The following FAAH2 variants were observed in gnomAD, a reference collection of about 807,000 sequenced individuals.
The protein encoded by FAAH2 is fatty-acid amide hydrolase 2.
In FAAH2, 60 loss-of-function variants were observed where a neutral mutation model predicts 36.9. The observed-to-expected ratio is 1.63, with a 90% confidence interval of 1.32 to 2.02. The LOEUF (loss-of-function observed/expected upper bound fraction) is 2.02. Among genes scored for constraint, FAAH2 ranks in the 30% most tolerant of loss-of-function variants. The pLI is 0.00. For synonymous variants in FAAH2, 214 were observed against 143.8 expected (o/e 1.49, Z -3.49); for missense variants, 689 against 397.5 (o/e 1.73, Z -6.23).
chrX:57,350,766 G>A (rs1292398337), intron 5 of FAAH2, among the ~76,000 whole-genome samples: 1 of 110,991 alleles, frequency 9.0e-6, no homozygotes, highest in African/African-American at 3.3e-5. Flanking sequence ...ATTATATAAT[G>A]ATAAAGAAAT....
At chrX:57,472,485 T>C (rs2057188764) in intron 10 of FAAH2, among the ~76,000 whole-genome samples, 1 of 111,832 alleles carries the variant, frequency 8.9e-6, no homozygotes, top group Admixed American at 9.5e-5. Context: ...AGATACTGGA[T>C]TTGTACAATG....
At chrX:57,126,545 T>A in the FAAH2 span, among the ~76,000 whole-genome samples, 1 of 112,127 alleles carries the variant, frequency 8.9e-6, no homozygotes, top group Admixed American at 9.5e-5. Context: ...GCTGCTGTAT[T>A]CAGCTTACTA....
At chrX:57,274,844 A>T in the FAAH2 span, among the ~76,000 whole-genome samples, 1 of 112,152 alleles carries the variant, frequency 8.9e-6, no homozygotes. Flanking sequence ...GAAAACTGGC[A>T]CAAGACAAGG....
intron 4 of FAAH2, among the ~76,000 whole-genome samples, chrX:57,340,071 G>A (rs1461114030): frequency 1.8e-5 from 2 of 111,821 alleles, no homozygotes; most frequent in Non-Finnish European, 3.8e-5. Flanking sequence ...TCAAAAGTAG[G>A]AAAGCTGACA....
chrX:57,378,709 G>T lies in FAAH2; in HGVS notation c.801G>T (p.Leu267=). The change falls in exon 6 of 11, where the codon CTG becomes CTT. Residue 267 remains leucine, a synonymous_variant. Transcript: ENST00000374900. ...PLAVGAQELF[L]CTGPMCRYAE... is the part of the protein sequence containing the mutation. The stretch of plus-strand genomic sequence containing the variant: ...CTGTGGGAGCCCAGGAGTTGTTTCT[G>T]TGCACTGGTCCTATGTGCCGTTATG... 1 of 1,211,016 alleles carries T rather than the reference G, an allele frequency of 8.3e-7. No homozygotes were observed. Among genetic ancestry groups the T allele is most frequent in the East Asian group, 3.0e-5 (1 of 33,794 alleles).
chrX:57,150,625 C>G, the FAAH2 span, among the ~76,000 whole-genome samples: 1 of 111,886 alleles, frequency 8.9e-6, no homozygotes, highest in South Asian at 3.7e-4. Flanking sequence ...AGATCTTCCT[C>G]CATCCCTTTA....
chrX:57,309,383 C>G (rs760592939), intron 2 of FAAH2, among the ~76,000 whole-genome samples: 1 of 112,464 alleles, frequency 8.9e-6, no homozygotes, highest in Admixed American at 9.5e-5. Flanking sequence ...ATAACCTTCT[C>G]TTTTCACTTA....
intron 7 of FAAH2, among the ~76,000 whole-genome samples, chrX:57,397,726 T>C (rs142572495): frequency 1.1e-3 from 126 of 110,252 alleles, no homozygotes; most frequent in East Asian, 8.5e-3. Context: ...TATTATACTT[T>C]AAGTTCGAGG....
the FAAH2 span, among the ~76,000 whole-genome samples, chrX:57,266,862 G>A: frequency 7.1e-5 from 8 of 112,421 alleles, no homozygotes; most frequent in South Asian, 1.8e-3. Context: ...GTGGAGCAGG[G>A]CCAGAGATGG....
chrX:57,220,824 A>T, the FAAH2 span, among the ~76,000 whole-genome samples: 10 of 111,603 alleles, frequency 9.0e-5, no homozygotes, highest in Admixed American at 1.9e-4. Context: ...TCGGACTGTA[A>T]GCAGCTCCCA....
chrX:57,313,760 T>A, intron 3 of FAAH2, among the ~76,000 whole-genome samples: 1 of 111,536 alleles, frequency 9.0e-6, no homozygotes, highest in Admixed American at 9.5e-5. Flanking sequence ...AAGGAAGTGC[T>A]AAACATGAGT....
intron 6 of FAAH2, 46 bp downstream of exon 6, chrX:57,378,832 C>G: frequency 1.7e-6 from 2 of 1,158,443 alleles, no homozygotes. Context: ...TCCTGACATT[C>G]ATTCTCTCTT....
At chrX:57,277,894 C>A in the FAAH2 span, among the ~76,000 whole-genome samples, 1 of 111,605 alleles carries the variant, frequency 9.0e-6, no homozygotes, top group Admixed American at 9.5e-5. Context: ...TCAAGGAGAA[C>A]TACAAACCAC....
intron 3 of FAAH2, among the ~76,000 whole-genome samples, chrX:57,311,740 T>G (rs2052699628): frequency 8.9e-6 from 1 of 112,180 alleles, no homozygotes; most frequent in South Asian, 3.7e-4. Flanking sequence ...CAGGAGCAGG[T>G]GCACATAACA....
chrX:57,173,201 A>G, the FAAH2 span, among the ~76,000 whole-genome samples: 68 of 112,139 alleles, frequency 6.1e-4, no homozygotes, highest in Non-Finnish European at 1.1e-3. Flanking sequence ...CACTCTTCCA[A>G]TCAATAAGCA....
chrX:57,333,067 C>T (rs1027026785), intron 4 of FAAH2, among the ~76,000 whole-genome samples: 7 of 111,539 alleles, frequency 6.3e-5, no homozygotes, highest in African/African-American at 2.3e-4. Flanking sequence ...TAAAATACTT[C>T]CTCTCCTTGT....
chrX:57,353,449 A>G (rs1465347695), intron 5 of FAAH2, among the ~76,000 whole-genome samples: 1 of 103,426 alleles, frequency 9.7e-6, no homozygotes, highest in Non-Finnish European at 2.0e-5. Context: ...AATCAACTCA[A>G]AATTAATTAA....
the FAAH2 span, among the ~76,000 whole-genome samples, chrX:57,170,134 C>T: frequency 8.9e-6 from 1 of 111,767 alleles, no homozygotes; most frequent in Middle Eastern, 4.7e-3. Context: ...CCACTACTGG[C>T]TAACTTTTGT....
intron 10 of FAAH2, among the ~76,000 whole-genome samples, chrX:57,481,689 A>G (rs2057382368): frequency 9.0e-6 from 1 of 111,674 alleles, no homozygotes; most frequent in Non-Finnish European, 1.9e-5. Context: ...CCCTGTTGGG[A>G]GGTCTCTCCC....
Sources: gnomAD v4.1 joint callset for allele counts (sites outside exome capture counted in the v4.1 genomes callset) on GRCh38, gnomAD v4.1.1 for gene constraint, MANE v1.5 for transcripts, NCBI Gene and HGNC (gene_info 2026-07-23, HGNC 2026-07-21) for gene names.